The following TMCC1 variants were observed in gnomAD, a reference collection of about 807,000 sequenced individuals.
The protein encoded by TMCC1 is transmembrane and coiled-coil domains protein 1.
TMCC1 carries 15 observed loss-of-function variants against 52.4 expected under a neutral mutation model. The observed-to-expected ratio is 0.29, with a 90% CI of 0.19 to 0.44. The LOEUF is 0.44. Among genes scored for constraint, TMCC1 ranks in the 20% least tolerant of loss-of-function variants. The pLI, the probability that TMCC1 is intolerant of heterozygous loss-of-function variation, is 1.00. For missense variants in TMCC1, 503 were observed against 806.0 expected (o/e 0.62, Z 4.55); for synonymous variants, 279 against 301.9 (o/e 0.92, Z 0.79).
At chr3:129,799,552 T>C (rs1446532650) in intron 4 of TMCC1, among the ~76,000 whole-genome samples, 46 of 152,144 alleles carry the variant, frequency 3.0e-4, no homozygotes, top group Non-Finnish European at 1.5e-5. Context: ...GGCTCACGCT[T>C]GTAGTCCCAG....
chr3:129,713,710 TC>T (rs2048863462), intron 4 of TMCC1, among the ~76,000 whole-genome samples: 1 of 95,640 alleles, frequency 1.0e-5, no homozygotes. Context: ...GACCCCCATC[TC>T]AAAAAAAAAA....
intron 4 of TMCC1, among the ~76,000 whole-genome samples, chr3:129,678,209 C>T (rs1208820928): frequency 6.6e-6 from 1 of 151,994 alleles, no homozygotes; most frequent in African/African-American, 2.4e-5. Flanking sequence ...CATGAGCCAC[C>T]ACGCCTGGCC....
intron 2 of TMCC1, among the ~76,000 whole-genome samples, chr3:129,853,805 AC>A (rs2060022465): frequency 1.3e-5 from 2 of 152,250 alleles, no homozygotes; most frequent in African/African-American, 4.8e-5. Context: ...ACAAAACAAA[AC>A]AAAACAAAAC....
At chr3:129,659,845 C>A (rs1308777735) in intron 5 of TMCC1, among the ~76,000 whole-genome samples, 1 of 152,170 alleles carries the variant, frequency 6.6e-6, no homozygotes, top group East Asian at 1.9e-4. Flanking sequence ...AAAATCCCAG[C>A]TCTGCAACTC....
At chr3:129,867,575 A>T (rs1162857827) in intron 2 of TMCC1, among the ~76,000 whole-genome samples, 1 of 152,228 alleles carries the variant, frequency 6.6e-6, no homozygotes, top group East Asian at 1.9e-4. Context: ...TCTCTAAATT[A>T]AAAAATTATC....
chr3:129,712,001 C>CAAAAA (rs71155567), intron 4 of TMCC1, among the ~76,000 whole-genome samples: 785 of 47,694 alleles, frequency 0.016, 101 homozygotes, highest in African/African-American at 0.074. Flanking sequence ...GACTCTGTCT[C>CAAAAA]AAAAAAAAAA....
chr3:129,670,269 A>C, intron 5 of TMCC1, 61 bp downstream of exon 5: 1 of 1,515,864 alleles, frequency 6.6e-7, no homozygotes, highest in Non-Finnish European at 8.9e-7. Context: ...CCATTTCCCC[A>C]TATCTAAAGG....
intron 2 of TMCC1, among the ~76,000 whole-genome samples, chr3:129,867,784 A>G (rs951940056): frequency 2.2e-4 from 33 of 152,226 alleles, no homozygotes; most frequent in African/African-American, 7.5e-4. Context: ...TTTTTAAAAA[A>G]TAAGACCAGA....
At chr3:129,855,210 C>T (rs372561045) in intron 2 of TMCC1, among the ~76,000 whole-genome samples, 1 of 152,176 alleles carries the variant, frequency 6.6e-6, no homozygotes, top group East Asian at 1.9e-4. Context: ...AACTCAAACT[C>T]CATTGAATAA....
At chr3:129,880,270 G>A (rs924172602) in intron 2 of TMCC1, 39 bp downstream of exon 2, 3 of 152,038 alleles carry the variant, frequency 2.0e-5, no homozygotes, top group Admixed American at 2.0e-4. Flanking sequence ...CTGAGTGCCT[G>A]GGTGATGTGA....
intron 4 of TMCC1, among the ~76,000 whole-genome samples, chr3:129,712,150 C>G (rs2048748806): frequency 6.6e-6 from 1 of 152,092 alleles, no homozygotes; most frequent in South Asian, 2.1e-4. Context: ...GCACTCCAGG[C>G]TGTGCAACAG....
intron 4 of TMCC1, among the ~76,000 whole-genome samples, chr3:129,767,190 G>A (rs2054194424): frequency 6.6e-6 from 1 of 151,206 alleles, no homozygotes; most frequent in Non-Finnish European, 1.5e-5. Context: ...GAACCCGGGA[G>A]GCACAGGTTG....
intron 4 of TMCC1, among the ~76,000 whole-genome samples, chr3:129,754,363 T>C (rs561870996): frequency 7.4e-4 from 112 of 152,294 alleles, no homozygotes; most frequent in African/African-American, 2.5e-3. Context: ...TATACATATA[T>C]AAAGTTATTC....
In TMCC1 at chr3:129,807,109, C is replaced by T. The variant is rs114799761; in HGVS notation, c.576+20694G>A. 2.8e-3 allele frequency among the ~76,000 whole-genome samples: 423 copies of T among 152,198 alleles called. 3 individuals are homozygous for T. The highest frequency in any genetic ancestry group is 9.6e-3 in the African/African-American group (397 of 41,528). On this transcript the variant is annotated intron_variant, in intron 4 of 6. Coordinates refer to ENST00000393238, the MANE Select transcript of TMCC1 (RefSeq NM_001017395.5). ...AAGCTATGGTATCATTTTACAAAGC[C>T]CCCAAGCAGGCAAAACTAAACAATA...
rs369757352 is a variant in TMCC1 at position 129,803,867 on chromosome 3, G to A, written c.576+23936C>T. Reference sequence around the variant, plus strand: ...AAATATAATCAATTTCTTAGTCCTCGTCTAAATTCCATCTCTCATACTTAG... The same window carrying A: ...AAATATAATCAATTTCTTAGTCCTCATCTAAATTCCATCTCTCATACTTAG... On this transcript the variant is annotated intron_variant, in intron 4 of 6. Transcript: ENST00000393238. Among the ~76,000 whole-genome samples, 74 of 151,824 alleles carry A rather than the reference G, an allele frequency of 4.9e-4. 1 individual carries two copies. The highest frequency in any genetic ancestry group is 1.5e-3 in the African/African-American group (62 of 41,400).
At chr3:129,874,768 G>A (rs1236702838) in intron 2 of TMCC1, among the ~76,000 whole-genome samples, 1 of 151,940 alleles carries the variant, frequency 6.6e-6, no homozygotes, top group Non-Finnish European at 1.5e-5. Context: ...GAGGTGGGAG[G>A]ATGGCTTGAG....
chr3:129,700,865 T>TC (rs1426286095), intron 4 of TMCC1, among the ~76,000 whole-genome samples: 3 of 151,994 alleles, frequency 2.0e-5, no homozygotes, highest in African/African-American at 7.2e-5. Flanking sequence ...TGGTATACCC[T>TC]CCCCCATTAT....
intron 4 of TMCC1, among the ~76,000 whole-genome samples, chr3:129,755,797 C>T (rs997122993): frequency 6.6e-6 from 1 of 152,186 alleles, no homozygotes; most frequent in South Asian, 2.1e-4. Context: ...CAAAATGGCA[C>T]ATTCAGTTTA....
rs116800301 is a variant in TMCC1, at chr3:129,826,105, T to C, written c.576+1698A>G. Among the ~76,000 whole-genome samples, 1,152 of 152,284 alleles carry C rather than the reference T, an allele frequency of 7.6e-3. 15 individuals are homozygous for C. The highest frequency in any genetic ancestry group is 0.026 in the African/African-American group (1,092 of 41,548). On this transcript the variant is annotated intron_variant, in intron 4 of 6. Coordinates refer to ENST00000393238, the MANE Select transcript of TMCC1 (RefSeq NM_001017395.5). ...TAGCTGTAAATTCCTTAATGTTCTC[T>C]GGTAAAGGCTGAAGATTAAGACAAG... is the stretch of plus-strand genomic sequence containing the variant.
Sources: allele counts gnomAD v4.1 joint callset (sites outside exome capture counted in the v4.1 genomes callset), GRCh38; gene constraint gnomAD v4.1.1; transcripts MANE v1.5; gene names NCBI Gene and HGNC (gene_info 2026-07-23, HGNC 2026-07-21).